GRIK4: variants seen among roughly 807,000 people sequenced by gnomAD.
The protein encoded by GRIK4 is glutamate ionotropic receptor kainate type subunit 4, also known as glutamate receptor ionotropic, kainate 4.
GRIK4 carries 40 observed loss-of-function variants against 104.9 expected under a neutral mutation model. That is an observed-to-expected ratio of 0.38 (90% CI 0.30 to 0.50). GRIK4 has a LOEUF of 0.50. Among genes scored for constraint, GRIK4 ranks in the 20% least tolerant of loss-of-function variants. GRIK4 has a pLI of 0.93. For synonymous variants in GRIK4, 485 were observed against 524.9 expected, an observed-to-expected ratio of 0.92 and a Z score of 1.04; for missense variants, 1,047 against 1,308.1, an observed-to-expected ratio of 0.80 and a Z score of 3.08.
chr11:120,770,841 A>C (rs1190497031), intron 3 of GRIK4, among the ~76,000 whole-genome samples: 1 of 152,150 alleles, frequency 6.6e-6, no homozygotes, highest in African/African-American at 2.4e-5. Flanking sequence ...CTACCATGTG[A>C]TTATACAGCT....
At chr11:120,749,194 A>T (rs949222313) in intron 3 of GRIK4, among the ~76,000 whole-genome samples, 1 of 150,842 alleles carries the variant, frequency 6.6e-6, no homozygotes, top group Non-Finnish European at 1.5e-5. Flanking sequence ...CATTCCCCCC[A>T]CCCCATCCCA....
intron 3 of GRIK4, among the ~76,000 whole-genome samples, chr11:120,784,828 T>C (rs2135480514): frequency 6.6e-6 from 1 of 151,646 alleles, no homozygotes; most frequent in Non-Finnish European, 1.5e-5. Context: ...AGTTCATCCA[T>C]GAGTCTTTGA....
At chr11:120,747,486 C>T (rs1458369883) in intron 3 of GRIK4, among the ~76,000 whole-genome samples, 2 of 152,140 alleles carry the variant, frequency 1.3e-5, no homozygotes, top group African/African-American at 2.4e-5. Context: ...AAGTCCAAAA[C>T]CCCATAAACG....
chr11:120,621,240 C>A (rs1326266271), intron 1 of GRIK4, among the ~76,000 whole-genome samples: 1 of 152,156 alleles, frequency 6.6e-6, no homozygotes, highest in Admixed American at 6.5e-5. Context: ...ATCTTGACAA[C>A]CTTCTCCTTA....
At chr11:120,539,514 T>C (rs1338414924) in intron 1 of GRIK4, among the ~76,000 whole-genome samples, 1 of 152,202 alleles carries the variant, frequency 6.6e-6, no homozygotes, top group African/African-American at 2.4e-5. Context: ...TCAGTGCTCT[T>C]CCCAGGACAC....
At chr11:120,741,275 C>CTTTTTTTTTT (rs762543001) in intron 3 of GRIK4, among the ~76,000 whole-genome samples, 1 of 106,920 alleles carries the variant, frequency 9.4e-6, no homozygotes, top group African/African-American at 3.4e-5. Flanking sequence ...CGTGTGCTTT[C>CTTTTTTTTTT]TTTTTTTTTT....
At chr11:120,703,244 C>T (rs1950580459) in intron 3 of GRIK4, among the ~76,000 whole-genome samples, 1 of 152,112 alleles carries the variant, frequency 6.6e-6, no homozygotes, top group African/African-American at 2.4e-5. Flanking sequence ...CCTTAATGGA[C>T]AGAACAATTC....
At chr11:120,583,793 T>C (rs1948620020) in intron 1 of GRIK4, among the ~76,000 whole-genome samples, 1 of 152,246 alleles carries the variant, frequency 6.6e-6, no homozygotes, top group Non-Finnish European at 1.5e-5. Context: ...AATCTGTAGA[T>C]TGCTTTGGGC....
chr11:120,776,406 C>G (rs574071940), intron 3 of GRIK4, among the ~76,000 whole-genome samples: 19 of 152,302 alleles, frequency 1.2e-4, no homozygotes, highest in African/African-American at 4.6e-4. Flanking sequence ...AGTTCCCCCT[C>G]TTTTTTGCCT....
At chr11:120,695,045 C>T (rs1277754072) in intron 3 of GRIK4, among the ~76,000 whole-genome samples, 1 of 152,204 alleles carries the variant, frequency 6.6e-6, no homozygotes, top group African/African-American at 2.4e-5. Context: ...AGTCCTGCTG[C>T]CTTCTCTCAC....
intron 1 of GRIK4, among the ~76,000 whole-genome samples, chr11:120,596,170 A>G (rs886974160): frequency 7.2e-5 from 11 of 152,222 alleles, no homozygotes; most frequent in Non-Finnish European, 1.2e-4. Flanking sequence ...AAGTCACCGT[A>G]TCCCTAGCAT....
intron 1 of GRIK4, among the ~76,000 whole-genome samples, chr11:120,545,960 A>G (rs1948081912): frequency 6.6e-6 from 1 of 152,102 alleles, no homozygotes; most frequent in African/African-American, 2.4e-5. Context: ...CTCTGACCAG[A>G]TGGCTTCACA....
At chr11:120,580,007 G>A (rs1948548497) in intron 1 of GRIK4, among the ~76,000 whole-genome samples, 1 of 151,950 alleles carries the variant, frequency 6.6e-6, no homozygotes, top group African/African-American at 2.4e-5. Context: ...TCTTCCACTT[G>A]GCATAATGTA....
Position 120,986,159 on chromosome 11 carries a change from G to C in GRIK4, c.2770G>C (p.Glu924Gln), listed in dbSNP as rs1419812403. The C allele has an allele frequency of 2.6e-6, 4 of 1,546,312 alleles. No individual in the cohort carries two copies. Among genetic ancestry groups the C allele is most frequent in the Non-Finnish European group, 3.5e-6 (4 of 1,155,420 alleles). Reference protein sequence around the residue: ...RGCTHIRVCPECRRFQGLRAR... With the variant: ...RGCTHIRVCPQCRRFQGLRAR... ...CTGCACGCACATCCGCGTCTGCCCCGAGTGCCGCCGCTTCCAGGGCCTGCG... is the reference window on the plus strand; with the variant it reads ...CTGCACGCACATCCGCGTCTGCCCCCAGTGCCGCCGCTTCCAGGGCCTGCG... The change falls in exon 21 of 21, where the codon GAG becomes CAG. Residue 924 changes from glutamate to glutamine, a missense_variant. Around this residue, in one of 3 missense-constraint regions of GRIK4, gnomAD observed 160 missense variants for 140.9 expected, o/e 1.14. Coordinates refer to ENST00000527524, the MANE Select transcript of GRIK4 (RefSeq NM_014619.5).
chr11:120,695,513 C>A (rs775032135), intron 3 of GRIK4, among the ~76,000 whole-genome samples: 1 of 152,250 alleles, frequency 6.6e-6, no homozygotes. Context: ...GTTAGCATTT[C>A]AGCGCCAAGG....
At chr11:120,605,262 G>A (rs1591731981) in intron 1 of GRIK4, among the ~76,000 whole-genome samples, 2 of 152,266 alleles carry the variant, frequency 1.3e-5, no homozygotes, top group Admixed American at 1.3e-4. Flanking sequence ...AGTATTTGAG[G>A]GAGGCTAGGC....
intron 11 of GRIK4, among the ~76,000 whole-genome samples, chr11:120,882,003 A>C (rs536945395): frequency 1.3e-3 from 199 of 151,866 alleles, no homozygotes; most frequent in Non-Finnish European, 2.3e-3. Context: ...AAGCAAACAA[A>C]CCTAGAACAA....
At chr11:120,628,472 C>G (rs1354176784) in intron 1 of GRIK4, among the ~76,000 whole-genome samples, 1 of 152,228 alleles carries the variant, frequency 6.6e-6, no homozygotes, top group Non-Finnish European at 1.5e-5. Context: ...AGACACCCAT[C>G]TGGGTAAAAA....
At chr11:120,664,516 T>C (rs1054482346) in intron 3 of GRIK4, among the ~76,000 whole-genome samples, 4 of 152,198 alleles carry the variant, frequency 2.6e-5, no homozygotes, top group Non-Finnish European at 5.9e-5. Flanking sequence ...AATCCCCTGT[T>C]ACAGATGAAG....
Sources: allele counts gnomAD v4.1 joint callset (sites outside exome capture counted in the v4.1 genomes callset), GRCh38; gene constraint gnomAD v4.1.1; regional missense constraint gnomAD v4.1.1; transcripts MANE v1.5; gene names NCBI Gene and HGNC (gene_info 2026-07-23, HGNC 2026-07-21).